The following APC variants were observed in gnomAD, a reference collection of about 807,000 sequenced individuals.
APC encodes the protein adenomatous polyposis coli protein.
Under a neutral mutation model 247.0 loss-of-function variants are expected in APC, and 72 were observed. The ratio of observed to expected loss-of-function variants is 0.29; its 90% CI spans 0.24 to 0.35. The LOEUF is 0.35. APC is among the 10% of genes least tolerant of loss of function. APC has a pLI of 1.00. For synonymous variants in APC, 1,254 were observed against 1,162.5 expected (o/e 1.08, Z -1.60); for missense variants, 3,400 against 3,360.7 (o/e 1.01, Z -0.29).
At chr5:112,765,055 C>T (rs1756118580) in intron 2 of APC, among the ~76,000 whole-genome samples, 1 of 152,132 alleles carries the variant, frequency 6.6e-6, no homozygotes, top group Non-Finnish European at 1.5e-5. Flanking sequence ...TTTTGAAGGT[C>T]AGATACTAAG....
At chr5:112,791,076 C>A (rs1218185494) in intron 6 of APC, among the ~76,000 whole-genome samples, 1 of 152,072 alleles carries the variant, frequency 6.6e-6, no homozygotes, top group East Asian at 1.9e-4. Context: ...GAGACATTTG[C>A]AAAGTCTTTA....
At chr5:112,724,987 A>G (rs949432253) in intron 1 of APC, among the ~76,000 whole-genome samples, 4 of 151,476 alleles carry the variant, frequency 2.6e-5, no homozygotes, top group South Asian at 2.1e-4. Context: ...TTTTTATTTT[A>G]TTTTTTTTTA....
intron 11 of APC, among the ~76,000 whole-genome samples, chr5:112,825,668 A>G (rs1343996726): frequency 6.6e-6 from 1 of 152,226 alleles, no homozygotes; most frequent in African/African-American, 2.4e-5. Flanking sequence ...CTCGGGCAAC[A>G]TAGTGGCACC....
chr5:112,752,277 A>G (rs958368942), intron 1 of APC, among the ~76,000 whole-genome samples: 1 of 152,188 alleles, frequency 6.6e-6, no homozygotes, highest in East Asian at 1.9e-4. Flanking sequence ...CCATTAATGT[A>G]AAAAAGAAGT....
At chr5:112,790,582 G>A (rs1331286818) in intron 6 of APC, among the ~76,000 whole-genome samples, 1 of 152,072 alleles carries the variant, frequency 6.6e-6, no homozygotes, top group African/African-American at 2.4e-5. Context: ...ATCTGCCTCG[G>A]CCTCCTGAAG....
chr5:112,839,578 G>C lies in APC; in HGVS notation c.3984G>C (p.Gln1328His), dbSNP rs1561588983. 6.2e-7 allele frequency: 1 copy of C among 1,614,166 alleles called. No homozygotes were observed. The highest frequency in any genetic ancestry group is 1.1e-5 in the South Asian group (1 of 91,082). Residue 1328 changes from glutamine to histidine, a missense_variant, in exon 16 of 16, where the codon CAG (glutamine) becomes CAC (histidine). Physicochemically the swap from Gln to His is conservative, Grantham distance 24 (BLOSUM62 0). Around this residue, in one of 9 missense-constraint regions of APC, gnomAD observed 715 missense variants for 656.6 expected, o/e 1.09. Coordinates refer to ENST00000257430, the MANE Select transcript of APC (RefSeq NM_000038.6). This position sits in a 1 kb window ranked among gnomAD's most constrained non-coding sequence, Gnocchi z 5.0. ...DPVSEVPAVS[Q>H]HPRTKSSRLQ... is the part of the protein sequence containing the mutation. The stretch of plus-strand genomic sequence containing the variant: ...TGAGCGAAGTTCCAGCAGTGTCACA[G>C]CACCCTAGAACCAAATCCAGCAGAC...
At chr5:112,801,422 A>G in intron 8 of APC, 39 bp downstream of exon 8, 1 of 1,397,336 alleles carries the variant, frequency 7.2e-7, no homozygotes, top group South Asian at 1.3e-5. Context: ...AAAATTATTT[A>G]AATATCAGAA....
intron 1 of APC, among the ~76,000 whole-genome samples, chr5:112,718,885 T>C (rs776364554): frequency 1.3e-5 from 2 of 152,238 alleles, no homozygotes; most frequent in Non-Finnish European, 2.9e-5. Context: ...GCTCCTTTGA[T>C]GGTGCAAATT....
At chr5:112,722,583 A>G (rs961162475) in intron 1 of APC, among the ~76,000 whole-genome samples, 1 of 151,670 alleles carries the variant, frequency 6.6e-6, no homozygotes, top group Non-Finnish European at 1.5e-5. Flanking sequence ...CCCAAGTCCT[A>G]GCCTCTGGAA....
In APC at chr5:112,841,096, C is replaced by T. The variant is rs1561600661; in HGVS notation, c.5502C>T (p.Val1834=). 6.2e-7 allele frequency: 1 copy of T among 1,612,744 alleles called. No individual in the cohort carries two copies. The highest frequency in any genetic ancestry group is 8.5e-7 in the Non-Finnish European group (1 of 1,178,852). ...AGCTCCCAAATAATGAAGATAGAGT[C>T]AGAGGAAGTTTTGCTTTTGATTCAC... ...NDKLPNNEDR[V]RGSFAFDSPH... The change falls in exon 16 of 16, where the codon GTC becomes GTT. Residue 1834 remains valine (V), a synonymous_variant. Transcript: ENST00000257430. This position sits in a 1 kb window ranked among gnomAD's most constrained non-coding sequence, Gnocchi z 4.6.
At position 112,771,339 on chromosome 5, in the gene APC, A is replaced by G. The variant is rs577029930; in HGVS notation, c.422+3949A>G. The stretch of plus-strand genomic sequence containing the variant: ...CATAAATAAATTTTTATTGGAGCCA[A>G]TGAATTTTTCTGATCTAATTTGTAC... On this transcript the variant is annotated intron_variant, in intron 4 of 15. Transcript: ENST00000257430. Among the ~76,000 whole-genome samples the G allele has an allele frequency of 4.6e-5, 7 of 152,258 alleles. No individual in the cohort carries two copies. In the South Asian group the frequency reaches 6.2e-4, roughly 14 times the overall value.
intron 14 of APC, among the ~76,000 whole-genome samples, chr5:112,833,037 TTTTTGCTTTTGC>T (rs199628021): frequency 6.6e-6 from 1 of 151,698 alleles, no homozygotes; most frequent in Non-Finnish European, 1.5e-5. Flanking sequence ...GGGTTTTTTT[TTTTTGCTTTTGC>T]TTTTGCTTTT....
intron 1 of APC, among the ~76,000 whole-genome samples, chr5:112,710,662 C>A (rs1291980355): frequency 6.6e-6 from 1 of 152,196 alleles, no homozygotes; most frequent in Non-Finnish European, 1.5e-5. Flanking sequence ...CTATTCTTTT[C>A]TTTAAAGACT....
chr5:112,742,560 C>G (rs1378780686), intron 1 of APC, among the ~76,000 whole-genome samples: 2 of 152,204 alleles, frequency 1.3e-5, no homozygotes, highest in Non-Finnish European at 2.9e-5. Context: ...TCCAAGATGG[C>G]TAACTCACAT....
rs1580344240 is a variant in APC, at chr5:112,771,211, G to A, written c.422+3821G>A. Among the ~76,000 whole-genome samples the A allele has an allele frequency of 2.0e-5, 3 of 151,966 alleles. No individual in the cohort carries two copies. The South Asian group carries it at 6.2e-4, about 31-fold the overall frequency. The stretch of plus-strand genomic sequence containing the variant: ...ATTTGGACTGTGTCTTTCTTATATA[G>A]CTCTTTGTTTTTGTCTCAAGTTTCT... On this transcript the variant is annotated intron_variant, in intron 4 of 15. Coordinates refer to ENST00000257430, the MANE Select transcript of APC (RefSeq NM_000038.6).
At chr5:112,787,681 C>G (rs191999197) in intron 6 of APC, among the ~76,000 whole-genome samples, 1 of 152,294 alleles carries the variant, frequency 6.6e-6, no homozygotes, top group African/African-American at 2.4e-5. Context: ...TTAATATCCT[C>G]TTGATACCAA....
intron 2 of APC, among the ~76,000 whole-genome samples, chr5:112,762,413 G>T (rs1162831473): frequency 6.6e-6 from 1 of 152,164 alleles, no homozygotes; most frequent in Non-Finnish European, 1.5e-5. Flanking sequence ...CTAAATAATA[G>T]CCTGCAGACT....
In APC at chr5:112,841,288, A is replaced by G. The variant is rs780923444; in HGVS notation, c.5694A>G (p.Thr1898=). 6 of 1,614,060 alleles carry G rather than the reference A, an allele frequency of 3.7e-6. No individual in the cohort carries two copies. In the South Asian group the frequency reaches 6.6e-5, roughly 18 times the overall value. The change falls in exon 16 of 16, where the codon ACA becomes ACG. Residue 1898 remains threonine (T), a synonymous_variant. Coordinates refer to ENST00000257430, the MANE Select transcript of APC (RefSeq NM_000038.6). The surrounding 1 kb of genome is among the most constrained non-coding windows in gnomAD (Gnocchi z 4.6). ...KESEAKVTSH[T]ELTSNQQSAN... ...CAGAGGCTAAAGTTACCAGCCACAC[A>G]GAACTAACCTCCAACCAACAATCAG...
In APC at chr5:112,819,211, A is replaced by G. The variant is rs876659399; in HGVS notation, c.1179A>G (p.Ser393=). 1.9e-6 allele frequency: 3 copies of G among 1,613,992 alleles called. No individual in the cohort carries two copies. The highest frequency in any genetic ancestry group is 1.1e-5 in the South Asian group (1 of 91,082). ...CAGCACTCCACAACATCATTCACTC[A>G]CAGCCTGATGACAAGAGAGGCAGGC... ...ASAALHNIIH[S]QPDDKRGRRE... The change falls in exon 10 of 16, where the codon TCA becomes TCG. Residue 393 remains serine, a synonymous_variant. Transcript: ENST00000257430.
Sources: gnomAD v4.1 joint callset for allele counts (sites outside exome capture counted in the v4.1 genomes callset) on GRCh38, gnomAD v4.1.1 for gene constraint, gnomAD v4.1.1 regional missense constraint, Gnocchi (gnomAD v3.1) non-coding constraint, MANE v1.5 for transcripts, NCBI Gene and HGNC (gene_info 2026-07-23, HGNC 2026-07-21) for gene names.